Variants in CEP128 observed in about 807,000 individuals in gnomAD.
CEP128 encodes the protein centrosomal protein 128kDa.
In CEP128, 132 loss-of-function variants were observed where a neutral mutation model predicts 156.7. That is an observed-to-expected ratio of 0.84 (90% CI 0.73 to 0.97). CEP128 has a LOEUF of 0.97. Among genes scored for constraint, CEP128 ranks in the 50% least tolerant of loss-of-function variants. The pLI is 0.00. For missense variants in CEP128, 1,252 were observed against 1,281.9 expected (o/e 0.98, Z 0.36); for synonymous variants, 469 against 448.9 (o/e 1.04, Z -0.57).
At chr14:80,595,994 T>C (rs1892298917) in intron 19 of CEP128, among the ~76,000 whole-genome samples, 2 of 143,198 alleles carry the variant, frequency 1.4e-5, no homozygotes, top group African/African-American at 5.3e-5. Flanking sequence ...ATGGAAATTA[T>C]GGAAGCTACA....
intron 19 of CEP128, among the ~76,000 whole-genome samples, chr14:80,586,772 T>C (rs1455772400): frequency 6.6e-6 from 1 of 152,184 alleles, no homozygotes; most frequent in Admixed American, 6.5e-5. Context: ...ATATTCAATA[T>C]ACAGCACACA....
intron 19 of CEP128, among the ~76,000 whole-genome samples, chr14:80,741,849 G>A (rs992097778): frequency 6.6e-6 from 1 of 151,480 alleles, no homozygotes; most frequent in Non-Finnish European, 1.5e-5. Context: ...TTCTCTATGT[G>A]TACCATTATA....
chr14:80,481,568 T>C (rs1042603989), intron 14 of CEP128, among the ~76,000 whole-genome samples: 2 of 152,226 alleles, frequency 1.3e-5, no homozygotes, highest in Non-Finnish European at 2.9e-5. Flanking sequence ...TTTAATCCAG[T>C]GCAGAATGTT....
At chr14:80,606,605 A>T (rs775930890) in intron 19 of CEP128, among the ~76,000 whole-genome samples, 4 of 152,124 alleles carry the variant, frequency 2.6e-5, no homozygotes, top group Non-Finnish European at 5.9e-5. Context: ...AGGAAAGGAA[A>T]ATGCTCATTG....
intron 24 of CEP128, among the ~76,000 whole-genome samples, chr14:80,499,438 G>T (rs142862916): frequency 6.6e-6 from 1 of 152,242 alleles, no homozygotes; most frequent in African/African-American, 2.4e-5. Flanking sequence ...TCATTAATCT[G>T]CTTTTCTAAG....
At chr14:80,883,949 G>T (rs1213996362) in intron 8 of CEP128, among the ~76,000 whole-genome samples, 3 of 152,116 alleles carry the variant, frequency 2.0e-5, no homozygotes, top group African/African-American at 7.2e-5. Flanking sequence ...ACTCATTCTA[G>T]ACCAAGTTGC....
chr14:80,817,106 AG>A (rs1228765037), intron 13 of CEP128, among the ~76,000 whole-genome samples: 6 of 152,150 alleles, frequency 3.9e-5, no homozygotes, highest in Non-Finnish European at 8.8e-5. Flanking sequence ...TTAAAGCTAT[AG>A]TTATCCCAGA....
In CEP128 at chr14:80,651,296, T is replaced by G. The variant is rs948787539; in HGVS notation, c.2807-70873A>C. ...ATCATTTTTTATTGCATCTATATGG[T>G]TCTTCTCTCTTTTCTTCTTTATTAA... On this transcript the variant is annotated intron_variant, in intron 19 of 24. Transcript: ENST00000555265. Among the ~76,000 whole-genome samples, 48 of 152,134 alleles carry G rather than the reference T, an allele frequency of 3.2e-4. 1 individual carries two copies. The highest frequency in any genetic ancestry group is 1.2e-3 in the South Asian group (6 of 4,816).
chr14:80,773,190 T>C (rs1595377089), intron 16 of CEP128, among the ~76,000 whole-genome samples: 1 of 152,192 alleles, frequency 6.6e-6, no homozygotes, highest in Non-Finnish European at 1.5e-5. Context: ...TTCTTGTATA[T>C]ATAAAATGAA....
rs1473810237 is a variant in CEP128 at position 80,761,531 on chromosome 14, A to C, written c.2459T>G (p.Leu820Trp). The change falls in exon 17 of 25, where the codon TTG becomes TGG. Residue 820 changes from leucine to tryptophan, a missense_variant. Physicochemically the swap from Leu to Trp is moderately conservative, Grantham distance 61 (BLOSUM62 -2). Coordinates refer to ENST00000555265, the MANE Select transcript of CEP128 (RefSeq NM_152446.5). The part of the protein sequence containing the change: ...RLQLKDQLLC[L>W]ETEQESILGV... ...AAGAATGGATTCCTGTTCAGTCTCC[A>C]AGCAAAGAAGTTGATCCTTGAGCTG... The C allele has an allele frequency of 1.1e-5, 18 of 1,612,740 alleles. No homozygotes were observed. The highest frequency in any genetic ancestry group is 1.4e-5 in the Non-Finnish European group (17 of 1,179,096).
downstream of CEP128, among the ~76,000 whole-genome samples, chr14:80,487,202 C>CA (rs1184661487): frequency 1.3e-5 from 2 of 151,242 alleles, no homozygotes; most frequent in African/African-American, 4.9e-5. Context: ...AAATGGAAAA[C>CA]AAAAAAAGGC....
At chr14:80,491,645 C>G (rs968570896), downstream of CEP128, among the ~76,000 whole-genome samples, 18 of 152,152 alleles carry the variant, frequency 1.2e-4, no homozygotes, top group Non-Finnish European at 4.4e-5. Flanking sequence ...AAATGACAGA[C>G]AAGCACAGGG....
intron 20 of CEP128, among the ~76,000 whole-genome samples, chr14:80,570,633 G>C (rs984821980): frequency 3.9e-5 from 6 of 152,114 alleles, no homozygotes; most frequent in Admixed American, 3.9e-4. Flanking sequence ...AAAATTGTGA[G>C]AGTGTGTGTG....
At chr14:80,824,116 C>G (rs1432162034) in intron 13 of CEP128, among the ~76,000 whole-genome samples, 2 of 152,238 alleles carry the variant, frequency 1.3e-5, no homozygotes, top group African/African-American at 4.8e-5. Flanking sequence ...AAAGCCACAG[C>G]CTGAGCTCTA....
intron 23 of CEP128, among the ~76,000 whole-genome samples, chr14:80,521,900 T>G (rs1053548172): frequency 1.4e-4 from 22 of 152,356 alleles, no homozygotes; most frequent in Admixed American, 2.6e-4. Flanking sequence ...TACATTTACT[T>G]GTTAACTTTG....
At chr14:80,538,379 A>C (rs371679693) in intron 21 of CEP128, among the ~76,000 whole-genome samples, 1 of 152,200 alleles carries the variant, frequency 6.6e-6, no homozygotes, top group Non-Finnish European at 1.5e-5. Flanking sequence ...TAGCACAAAA[A>C]TTACTTTTGT....
At chr14:80,629,721 G>A (rs1203290048) in intron 19 of CEP128, among the ~76,000 whole-genome samples, 1 of 151,838 alleles carries the variant, frequency 6.6e-6, no homozygotes, top group Non-Finnish European at 1.5e-5. Flanking sequence ...GATTTTAATT[G>A]GTTTGAGGTT....
intron 13 of CEP128, among the ~76,000 whole-genome samples, chr14:80,819,569 C>T (rs563744534): frequency 6.6e-6 from 1 of 152,182 alleles, no homozygotes; most frequent in African/African-American, 2.4e-5. Flanking sequence ...CTTATAAGGG[C>T]ACTAATCTCA....
intron 19 of CEP128, among the ~76,000 whole-genome samples, chr14:80,582,020 G>T (rs1891613630): frequency 1.3e-5 from 2 of 152,138 alleles, no homozygotes; most frequent in South Asian, 4.1e-4. Flanking sequence ...TTTTTCACTT[G>T]GAACCCTGTC....
Sources: gnomAD v4.1 joint callset for allele counts (sites outside exome capture counted in the v4.1 genomes callset) on GRCh38, gnomAD v4.1.1 for gene constraint, MANE v1.5 for transcripts, NCBI Gene and HGNC (gene_info 2026-07-23, HGNC 2026-07-21) for gene names.